RBFOX1: variants seen among roughly 807,000 people sequenced by gnomAD.
RBFOX1 encodes RNA binding fox-1 homolog 1.
Under a neutral mutation model 57.7 loss-of-function variants are expected in RBFOX1, and 8 were observed. The ratio of observed to expected loss-of-function variants is 0.14; its 90% CI spans 0.08 to 0.25. The LOEUF (loss-of-function observed/expected upper bound fraction) is 0.25, where lower values mean the gene tolerates loss of function less well. Among genes scored for constraint, RBFOX1 ranks in the 10% least tolerant of loss-of-function variants. RBFOX1 has a pLI of 1.00. For missense variants in RBFOX1, 611 were observed against 548.5 expected, an observed-to-expected ratio of 1.11 and a Z score of -1.14; for synonymous variants, 326 against 222.4, an observed-to-expected ratio of 1.47 and a Z score of -4.15.
chr16:6,915,646 G>C (rs967523018), intron 3 of RBFOX1, among the ~76,000 whole-genome samples: 8 of 149,518 alleles, frequency 5.4e-5, no homozygotes, highest in African/African-American at 1.7e-4. Flanking sequence ...TGCCTCTCGG[G>C]TTCAAGTGAT....
chr16:5,932,388 G>C (rs74006515), intron 4 of RBFOX1, among the ~76,000 whole-genome samples: 2 of 152,058 alleles, frequency 1.3e-5, no homozygotes, highest in East Asian at 3.9e-4. Flanking sequence ...TTCCAACAAC[G>C]GGAATGAATA....
At chr16:5,390,373 G>C (rs693674) in intron 1 of RBFOX1, among the ~76,000 whole-genome samples, 120,825 of 150,286 alleles carry the variant, frequency 0.8, 48,872 homozygotes, top group East Asian at 0.95. Context: ...ACTGCAACCT[G>C]TGCCTCCTGG....
At chr16:7,690,407 C>T (rs575040881) in intron 14 of RBFOX1, among the ~76,000 whole-genome samples, 1 of 152,048 alleles carries the variant, frequency 6.6e-6, no homozygotes, top group African/African-American at 2.4e-5. Context: ...AGCTTGGTAA[C>T]CAGAAATTTT....
intron 2 of RBFOX1, among the ~76,000 whole-genome samples, chr16:5,536,100 C>G (rs367745965): frequency 1.5e-4 from 2 of 12,974 alleles, no homozygotes; most frequent in Non-Finnish European, 3.2e-4. Flanking sequence ...ATCAAGCCCC[C>G]CCCCCCTTTT....
chr16:5,340,372 A>C (rs1466863908), intron 1 of RBFOX1, among the ~76,000 whole-genome samples: 1 of 152,224 alleles, frequency 6.6e-6, no homozygotes, highest in African/African-American at 2.4e-5. Flanking sequence ...CTTTAAGTAT[A>C]AAATTGTATC....
chr16:5,583,282 T>C (rs895193559), intron 2 of RBFOX1, among the ~76,000 whole-genome samples: 2 of 152,234 alleles, frequency 1.3e-5, no homozygotes, highest in African/African-American at 4.8e-5. Context: ...ATTTGAGTTC[T>C]TGGGGACAAA....
In RBFOX1 at chr16:6,315,551, G is replaced by C. The variant is rs530938408; in HGVS notation, c.-126-1444G>C. Among the ~76,000 whole-genome samples the C allele has an allele frequency of 2.7e-5, 4 of 149,518 alleles. No homozygotes were observed. The East Asian group carries it at 7.9e-4, about 29-fold the overall frequency. ...TGAGTACATGGATGGATGGATGGAT[G>C]GATGGATGGATGGATGGATGGATGG... is the stretch of plus-strand genomic sequence containing the variant. On this transcript the variant is annotated intron_variant, in intron 1 of 15. Transcript: ENST00000550418.
intron 2 of RBFOX1, among the ~76,000 whole-genome samples, chr16:5,587,348 A>G (rs770479348): frequency 6.6e-6 from 1 of 152,250 alleles, no homozygotes; most frequent in Non-Finnish European, 1.5e-5. Flanking sequence ...ATCGTCAGTC[A>G]TCGGGAAAAT....
At chr16:5,736,025 G>T (rs2052557940) in intron 3 of RBFOX1, among the ~76,000 whole-genome samples, 1 of 152,126 alleles carries the variant, frequency 6.6e-6, no homozygotes, top group Non-Finnish European at 1.5e-5. Context: ...GTGTTCAGAG[G>T]AACAAAGACG....
At chr16:7,203,074 C>T (rs1189382979) in intron 4 of RBFOX1, among the ~76,000 whole-genome samples, 1 of 152,170 alleles carries the variant, frequency 6.6e-6, no homozygotes, top group East Asian at 1.9e-4. Flanking sequence ...GCGTGAGCCA[C>T]TGCACCCAGC....
intron 3 of RBFOX1, among the ~76,000 whole-genome samples, chr16:6,832,155 T>C (rs903837709): frequency 1.3e-5 from 2 of 152,206 alleles, no homozygotes; most frequent in African/African-American, 4.8e-5. Context: ...TTCAACTTTG[T>C]TCCTAAATTC....
intron 1 of RBFOX1, among the ~76,000 whole-genome samples, chr16:5,374,638 G>C (rs113288702): frequency 1.0e-3 from 158 of 152,208 alleles, no homozygotes; most frequent in African/African-American, 3.4e-3. Flanking sequence ...ATTAGAGAGA[G>C]AGGGGAGTCT....
At chr16:6,866,810 G>T (rs974277096) in intron 3 of RBFOX1, among the ~76,000 whole-genome samples, 1 of 151,938 alleles carries the variant, frequency 6.6e-6, no homozygotes, top group African/African-American at 2.4e-5. Flanking sequence ...CCAAACTGCT[G>T]GGATTACAGG....
chr16:5,319,366 T>A (rs1413422274), intron 1 of RBFOX1, among the ~76,000 whole-genome samples: 3 of 152,144 alleles, frequency 2.0e-5, no homozygotes, highest in African/African-American at 7.2e-5. Context: ...TCTGAATTTG[T>A]CTTTGGTTCA....
At chr16:7,696,611 TAG>T (rs1568517388) in intron 14 of RBFOX1, among the ~76,000 whole-genome samples, 1 of 151,868 alleles carries the variant, frequency 6.6e-6, no homozygotes, top group African/African-American at 2.4e-5. Context: ...CCTGGGGACA[TAG>T]CATTAAATGA....
At chr16:6,794,556 G>T (rs74007051) in intron 3 of RBFOX1, among the ~76,000 whole-genome samples, 2,642 of 152,104 alleles carry the variant, frequency 0.017, 92 homozygotes, top group African/African-American at 0.06. Context: ...TTGGTGCATG[G>T]TCATTTGCAT....
intron 4 of RBFOX1, among the ~76,000 whole-genome samples, chr16:7,434,215 T>C (rs562748044): frequency 6.6e-6 from 1 of 152,204 alleles, no homozygotes; most frequent in South Asian, 2.1e-4. Flanking sequence ...CTCACGGCTA[T>C]AATCCCCGCA....
intron 1 of RBFOX1, among the ~76,000 whole-genome samples, chr16:6,226,392 C>CAA (rs1052702024): frequency 3.4e-4 from 30 of 89,412 alleles, no homozygotes; most frequent in African/African-American, 1.2e-3. Context: ...AAAAAAAAAA[C>CAA]AAAAAAATAT....
intron 2 of RBFOX1, among the ~76,000 whole-genome samples, chr16:6,534,793 T>C (rs536468731): frequency 7.2e-5 from 11 of 152,276 alleles, no homozygotes; most frequent in African/African-American, 2.6e-4. Flanking sequence ...TACTGGTTCA[T>C]GTATATGTGT....
Sources: allele counts gnomAD v4.1 joint callset (sites outside exome capture counted in the v4.1 genomes callset), GRCh38; gene constraint gnomAD v4.1.1; transcripts MANE v1.5; gene names NCBI Gene and HGNC (gene_info 2026-07-23, HGNC 2026-07-21).